FOXP1: variants seen among roughly 807,000 people sequenced by gnomAD.
FOXP1 encodes forkhead box protein P1.
In FOXP1, 15 loss-of-function variants were observed where a neutral mutation model predicts 98.2. The ratio of observed to expected loss-of-function variants is 0.15; its 90% CI spans 0.10 to 0.24. The LOEUF is 0.24. FOXP1 is among the 10% of genes least tolerant of loss of function. The pLI is 1.00. For missense variants in FOXP1, 633 were observed against 848.5 expected, an observed-to-expected ratio of 0.75 and a Z score of 3.15; for synonymous variants, 371 against 314.5, an observed-to-expected ratio of 1.18 and a Z score of -1.90.
chr3:71,239,330 T>C (rs933742273), intron 5 of FOXP1, among the ~76,000 whole-genome samples: 4 of 151,542 alleles, frequency 2.6e-5, no homozygotes, highest in African/African-American at 9.7e-5. Context: ...GATCACGAGG[T>C]CAGGAGATCG....
rs976528705 is a variant in FOXP1 at position 70,956,214 on chromosome 3, TCA to T, written c.*3031_*3032del. On this transcript the variant is annotated 3_prime_UTR_variant, in exon 21 of 21. Coordinates refer to ENST00000649528, the MANE Select transcript of FOXP1 (RefSeq NM_001349338.3). The stretch of plus-strand genomic sequence containing the variant: ...GCCCTCCCCCAAAAAAGACAAAGAT[TCA>T]CACAGACACATCGGGATATATGTAC... The T allele has an allele frequency of 8.6e-6, 2 of 233,230 alleles. No homozygotes were observed. The highest frequency in any genetic ancestry group is 4.4e-5 in the African/African-American group (2 of 45,266). The allele number at this position is 233,230 out of a possible 1,614,324, so 14.4% of individuals were successfully genotyped here.
At chr3:71,220,603 A>G (rs565398308) in intron 5 of FOXP1, among the ~76,000 whole-genome samples, 6 of 151,872 alleles carry the variant, frequency 4.0e-5, no homozygotes, top group Admixed American at 2.6e-4. Context: ...CAAAAAAAAA[A>G]TTAGCCAGGT....
intron 4 of FOXP1, among the ~76,000 whole-genome samples, chr3:71,349,995 C>T (rs562894102): frequency 1.3e-5 from 2 of 152,298 alleles, no homozygotes; most frequent in South Asian, 2.1e-4. Flanking sequence ...TGTTAAAATT[C>T]TGTAATTTAA....
intron 2 of FOXP1, among the ~76,000 whole-genome samples, chr3:71,549,464 T>G (rs2045607471): frequency 6.6e-6 from 1 of 152,192 alleles, no homozygotes; most frequent in Non-Finnish European, 1.5e-5. Flanking sequence ...AACCTCCACC[T>G]CCCAGGTTCA....
intron 6 of FOXP1, among the ~76,000 whole-genome samples, chr3:71,113,120 C>T (rs563247081): frequency 1.3e-5 from 2 of 151,616 alleles, no homozygotes; most frequent in African/African-American, 4.8e-5. Flanking sequence ...AAGTGGTGGA[C>T]CACAAAAAAA....
chr3:70,968,387 G>C (rs1341688457), intron 19 of FOXP1: 1 of 136,178 alleles, frequency 7.3e-6, no homozygotes, highest in Non-Finnish European at 1.5e-5. Context: ...TTTTTTGGTA[G>C]TTGATGTCCA....
At chr3:71,408,982 A>G in intron 3 of FOXP1, among the ~76,000 whole-genome samples, 1 of 152,226 alleles carries the variant, frequency 6.6e-6, no homozygotes, top group Non-Finnish European at 1.5e-5. Flanking sequence ...AATGCAGATC[A>G]ATGCTGACAT....
intron 11 of FOXP1, among the ~76,000 whole-genome samples, chr3:71,036,222 T>C (rs1029729158): frequency 1.3e-5 from 2 of 152,004 alleles, no homozygotes; most frequent in East Asian, 1.9e-4. Flanking sequence ...GTGGAGAAAA[T>C]GCAAGCGACA....
chr3:71,330,050 A>G (rs1433868610), intron 4 of FOXP1, among the ~76,000 whole-genome samples: 1 of 152,170 alleles, frequency 6.6e-6, no homozygotes, highest in Non-Finnish European at 1.5e-5. Context: ...TTCAAAAGAA[A>G]AGCAGAAAGA....
chr3:71,299,028 A>G (rs531779496), intron 5 of FOXP1, among the ~76,000 whole-genome samples: 1 of 152,362 alleles, frequency 6.6e-6, no homozygotes, highest in South Asian at 2.1e-4. Flanking sequence ...CTTGAGAAAT[A>G]TCAGATGTTA....
intron 4 of FOXP1, among the ~76,000 whole-genome samples, chr3:71,317,105 T>C (rs1029314293): frequency 7.2e-5 from 11 of 152,168 alleles, no homozygotes; most frequent in Non-Finnish European, 1.5e-4. Context: ...TTCTAACAGC[T>C]CCTACTTTCT....
Position 71,067,763 on chromosome 3 carries a change from C to CACACACACACACAA in FOXP1, c.283-13991_283-13990insTTGTGTGTGTGTGT, listed in dbSNP as rs374096871. 1.8e-3 allele frequency among the ~76,000 whole-genome samples: 266 copies of CACACACACACACAA among 149,872 alleles called. 2 individuals carry two copies. The highest frequency in any genetic ancestry group is 6.2e-3 in the African/African-American group (249 of 39,898). On this transcript the variant is annotated intron_variant, in intron 7 of 20. Transcript: ENST00000649528. Reference sequence around the variant, plus strand: ...ACACACACACACACACACACACACACAATTAGCCACGTGTGATGGTGCATG... The same window carrying CACACACACACACAA: ...ACACACACACACACACACACACACACACACACACACACAAAATTAGCCACGTGTGATGGTGCATG...
intron 14 of FOXP1, among the ~76,000 whole-genome samples, chr3:70,979,471 GGTT>G (rs1312199032): frequency 1.3e-5 from 2 of 151,976 alleles, no homozygotes; most frequent in Non-Finnish European, 2.9e-5. Flanking sequence ...TGAAGAATTT[GGTT>G]GTTTTCAGCG....
intron 4 of FOXP1, among the ~76,000 whole-genome samples, chr3:71,325,237 G>A (rs554353143): frequency 6.6e-6 from 1 of 152,096 alleles, no homozygotes; most frequent in Non-Finnish European, 1.5e-5. Context: ...ATTTTTAGTA[G>A]AAATGGGGTT....
At chr3:71,328,087 G>A (rs1050683443) in intron 4 of FOXP1, among the ~76,000 whole-genome samples, 1 of 152,064 alleles carries the variant, frequency 6.6e-6, no homozygotes, top group African/African-American at 2.4e-5. Context: ...TTCAAGATAC[G>A]TGATAAGCTG....
At chr3:71,058,810 T>C (rs2051052835) in intron 7 of FOXP1, among the ~76,000 whole-genome samples, 1 of 149,442 alleles carries the variant, frequency 6.7e-6, no homozygotes, top group Non-Finnish European at 1.5e-5. Context: ...CAAAACAAAA[T>C]GAACCAACCA....
chr3:71,468,761 T>A (rs938868799), intron 3 of FOXP1, among the ~76,000 whole-genome samples: 4 of 152,342 alleles, frequency 2.6e-5, no homozygotes, highest in African/African-American at 4.8e-5. Flanking sequence ...TGGACTCTCA[T>A]TAATACATCC....
intron 12 of FOXP1, among the ~76,000 whole-genome samples, chr3:71,006,448 T>A (rs146852673): frequency 1.3e-5 from 2 of 152,174 alleles, no homozygotes; most frequent in East Asian, 3.9e-4. Context: ...AGCTAAAAAG[T>A]ACCAGTTATA....
At chr3:71,236,966 G>C (rs1576523882) in intron 5 of FOXP1, among the ~76,000 whole-genome samples, 1 of 151,488 alleles carries the variant, frequency 6.6e-6, no homozygotes, top group African/African-American at 2.4e-5. Context: ...AGGTGCGGTG[G>C]CTCATGTCTG....
Sources: allele counts gnomAD v4.1 joint callset (sites outside exome capture counted in the v4.1 genomes callset), GRCh38; gene constraint gnomAD v4.1.1; transcripts MANE v1.5; gene names NCBI Gene and HGNC (gene_info 2026-07-23, HGNC 2026-07-21).